Variants in GRAP2 observed in about 807,000 individuals in gnomAD.
The protein encoded by GRAP2 is GRB2-related adapter protein 2.
A neutral mutation model predicts 43.5 loss-of-function variants in GRAP2; 31 were observed. The ratio of observed to expected loss-of-function variants is 0.71; its 90% CI spans 0.54 to 0.96. GRAP2 has a LOEUF of 0.96. GRAP2 is among the 40% of genes least tolerant of loss of function. GRAP2 has a pLI of 0.00. For synonymous variants in GRAP2, 156 were observed against 164.8 expected (o/e 0.95, Z 0.41); for missense variants, 371 against 424.4 (o/e 0.87, Z 1.11).
At chr22:39,957,747 C>T (rs2067073012) in intron 3 of GRAP2, among the ~76,000 whole-genome samples, 1 of 152,030 alleles carries the variant, frequency 6.6e-6, no homozygotes, top group African/African-American at 2.4e-5. Flanking sequence ...CCAGCCTGGG[C>T]AACATAGCGA....
chr22:39,910,920 C>T (rs2066558860), intron 1 of GRAP2, among the ~76,000 whole-genome samples: 1 of 152,174 alleles, frequency 6.6e-6, no homozygotes. Context: ...TCTCTGGCCT[C>T]TAAAGGGCCA....
the GRAP2 span, among the ~76,000 whole-genome samples, chr22:39,894,255 AT>A: frequency 1.3e-5 from 2 of 151,906 alleles, no homozygotes; most frequent in Non-Finnish European, 2.9e-5. Flanking sequence ...ATTTATTATT[AT>A]TTAAGTTTTA....
At chr22:39,959,847 A>G (rs2067097685) in intron 3 of GRAP2, among the ~76,000 whole-genome samples, 1 of 152,214 alleles carries the variant, frequency 6.6e-6, no homozygotes, top group Non-Finnish European at 1.5e-5. Context: ...AGAAGGAACA[A>G]AGAGGGTGAA....
intron 5 of GRAP2, among the ~76,000 whole-genome samples, chr22:39,967,098 G>A (rs2067182813): frequency 2.6e-5 from 4 of 152,198 alleles, no homozygotes; most frequent in Non-Finnish European, 4.4e-5. Context: ...TAGAATAGCT[G>A]AAATCCTAGG....
chr22:39,951,777 A>G lies in GRAP2; in HGVS notation c.79-4042A>G, dbSNP rs571241937. The stretch of plus-strand genomic sequence containing the variant: ...GAGGAAACCATCTCCCCTCCCCTCA[A>G]ATACTTTTCTTTGCAGAAAATGAGA... On this transcript the variant is annotated intron_variant, in intron 2 of 7. Transcript: ENST00000344138. Among the ~76,000 whole-genome samples, 10 of 152,256 alleles carry G rather than the reference A, an allele frequency of 6.6e-5. No homozygotes were observed. The South Asian group carries it at 1.7e-3, about 25-fold the overall frequency.
chr22:39,906,149 C>T (rs565057864), intron 1 of GRAP2, among the ~76,000 whole-genome samples: 47 of 152,168 alleles, frequency 3.1e-4, no homozygotes, highest in African/African-American at 1.1e-3. Flanking sequence ...CTCAGAGCCT[C>T]GGGGTGGAAG....
chr22:39,923,124 A>C (rs774726840), intron 1 of GRAP2, among the ~76,000 whole-genome samples: 4 of 151,942 alleles, frequency 2.6e-5, no homozygotes, highest in Admixed American at 1.3e-4. Flanking sequence ...GAGAAAGGGG[A>C]GGAAAAGACA....
intron 1 of GRAP2, among the ~76,000 whole-genome samples, chr22:39,932,091 A>G (rs772832396): frequency 6.6e-6 from 1 of 152,200 alleles, no homozygotes; most frequent in Non-Finnish European, 1.5e-5. Context: ...TTTTCATGTA[A>G]GAAATCTTGT....
At chr22:39,919,347 T>G (rs2066630625) in intron 1 of GRAP2, among the ~76,000 whole-genome samples, 1 of 152,188 alleles carries the variant, frequency 6.6e-6, no homozygotes, top group South Asian at 2.1e-4. Context: ...AGGTCAGAGA[T>G]TTGACTCCTG....
At chr22:39,960,021 A>G in intron 3 of GRAP2, 34 bp from the exon 4 acceptor site, 7 of 1,607,846 alleles carry the variant, frequency 4.4e-6, no homozygotes, top group Non-Finnish European at 6.0e-6. Context: ...CCTGTGTCTC[A>G]TCCTGATCCT....
In GRAP2 at chr22:39,973,559, G is replaced by A. The variant is rs761642378; in HGVS notation, c.*2475G>A. 2.0e-5 allele frequency: 3 copies of A among 152,246 alleles called. 1 individual carries two copies. The South Asian group carries it at 6.2e-4, about 32-fold the overall frequency. The allele number at this position is 152,246 out of a possible 1,614,324, so 9.4% of individuals were successfully genotyped here. ...CAAAGCATCTTTCCCTTGCTCATCA[G>A]CCTCCATTCAGAAGGAAGCGGGAAA... On this transcript the variant is annotated 3_prime_UTR_variant, in exon 8 of 8. Coordinates refer to ENST00000344138, the MANE Select transcript of GRAP2 (RefSeq NM_004810.4).
chr22:39,967,643 A>G (rs569567082), intron 5 of GRAP2, among the ~76,000 whole-genome samples: 1 of 152,220 alleles, frequency 6.6e-6, no homozygotes, highest in Non-Finnish European at 1.5e-5. Flanking sequence ...AAATCATGCA[A>G]AGTCAACAGT....
chr22:39,958,176 C>T lies in GRAP2; in HGVS notation c.171-1879C>T, dbSNP rs544210981. Among the ~76,000 whole-genome samples the T allele has an allele frequency of 7.9e-5, 12 of 152,228 alleles. 1 individual carries two copies. The South Asian group carries it at 1.9e-3, about 24-fold the overall frequency. On this transcript the variant is annotated intron_variant, in intron 3 of 7. Coordinates refer to ENST00000344138, the MANE Select transcript of GRAP2 (RefSeq NM_004810.4). ...CACCTCTTTCATTTTGGCTCCAGGACGTCCTTCCTCCGGTTGTCCTCCCAC... is the reference window on the plus strand; with the variant it reads ...CACCTCTTTCATTTTGGCTCCAGGATGTCCTTCCTCCGGTTGTCCTCCCAC...
intron 1 of GRAP2, among the ~76,000 whole-genome samples, chr22:39,915,747 T>C (rs1268744190): frequency 6.6e-6 from 1 of 152,214 alleles, no homozygotes; most frequent in Non-Finnish European, 1.5e-5. Context: ...AACTGTAACA[T>C]GCTCTTCAAA....
chr22:39,910,190 G>A (rs1426516537), intron 1 of GRAP2, among the ~76,000 whole-genome samples: 2 of 152,104 alleles, frequency 1.3e-5, no homozygotes, highest in Non-Finnish European at 2.9e-5. Context: ...GACTCAGAAC[G>A]GAGCAACGCT....
At chr22:39,947,327 T>G in intron 2 of GRAP2, 143 bp downstream of exon 2, 22 of 630,860 alleles carry the variant, frequency 3.5e-5, no homozygotes, top group Non-Finnish European at 3.2e-5. Context: ...TGCACCCTTA[T>G]ACCAGACACC....
intron 1 of GRAP2, among the ~76,000 whole-genome samples, chr22:39,923,073 A>C (rs558458058): frequency 4.7e-4 from 71 of 152,266 alleles, no homozygotes; most frequent in Non-Finnish European, 8.8e-4. Context: ...TATATTTAAA[A>C]TATAGTGTTT....
intron 2 of GRAP2, 141 bp from the exon 3 acceptor site, chr22:39,955,678 A>C: frequency 1.8e-6 from 1 of 546,842 alleles, no homozygotes; most frequent in Admixed American, 2.9e-5. Flanking sequence ...GGTAAATCCT[A>C]GAACAGCTGT....
intron 3 of GRAP2, among the ~76,000 whole-genome samples, chr22:39,958,918 A>G (rs570110842): frequency 6.6e-6 from 1 of 152,334 alleles, no homozygotes; most frequent in South Asian, 2.1e-4. Context: ...CTTCCCCCTC[A>G]GTCCCAGTGG....
Sources: allele counts gnomAD v4.1 joint callset (sites outside exome capture counted in the v4.1 genomes callset), GRCh38; gene constraint gnomAD v4.1.1; transcripts MANE v1.5; gene names NCBI Gene and HGNC (gene_info 2026-07-23, HGNC 2026-07-21).